The following STK32B variants were observed in gnomAD, a reference collection of about 807,000 sequenced individuals.
The protein encoded by STK32B is serine/threonine-protein kinase 32B.
A neutral mutation model predicts 52.6 loss-of-function variants in STK32B; 43 were observed. That is an observed-to-expected ratio of 0.82 (90% confidence interval 0.64 to 1.05). The LOEUF is 1.05. Ranked by LOEUF, STK32B falls within the 50% of genes least tolerant of loss-of-function variation. The pLI is 0.00. For synonymous variants in STK32B, 238 were observed against 204.3 expected (o/e 1.17, Z -1.41); for missense variants, 621 against 534.6 (o/e 1.16, Z -1.59).
rs145214822 is a variant in STK32B at position 5,307,683 on chromosome 4, G to A, written c.261-23537G>A. Among the ~76,000 whole-genome samples the A allele has an allele frequency of 2.1e-4, 32 of 152,004 alleles. No homozygotes were observed. The East Asian group carries it at 5.8e-3, about 28-fold the overall frequency. ...GGTTAGCTAGTGTGATCTTTTGGGAGTGTTAGAGAACCTTGTTTTGTCATA... is the reference window on the plus strand; with the variant it reads ...GGTTAGCTAGTGTGATCTTTTGGGAATGTTAGAGAACCTTGTTTTGTCATA... On this transcript the variant is annotated intron_variant, in intron 3 of 11. Coordinates refer to ENST00000282908, the MANE Select transcript of STK32B (RefSeq NM_018401.3).
chr4:5,351,664 CA>C (rs1277383756), intron 4 of STK32B, among the ~76,000 whole-genome samples: 1 of 151,626 alleles, frequency 6.6e-6, no homozygotes, highest in African/African-American at 2.4e-5. Flanking sequence ...AAATGATCAA[CA>C]AAAAAGAAAG....
chr4:5,311,030 T>G (rs1730258627), intron 3 of STK32B, among the ~76,000 whole-genome samples: 1 of 152,116 alleles, frequency 6.6e-6, no homozygotes, highest in African/African-American at 2.4e-5. Flanking sequence ...TGGTTACTAA[T>G]GGTGGGGAAA....
At chr4:5,295,223 G>A (rs1192451528) in intron 3 of STK32B, among the ~76,000 whole-genome samples, 1 of 147,874 alleles carries the variant, frequency 6.8e-6, no homozygotes, top group African/African-American at 2.6e-5. Flanking sequence ...AGGGATATTG[G>A]GTTGAAGTTT....
At position 5,051,671 on chromosome 4, in the gene STK32B, C is replaced by T; in HGVS notation, c.-193C>T. The T allele has an allele frequency of 1.6e-6, 1 of 624,116 alleles. No individual in the cohort carries two copies. Among genetic ancestry groups the T allele is most frequent in the Non-Finnish European group, 2.6e-6 (1 of 384,166 alleles). 38.7% of individuals were successfully genotyped at this position (624,116 alleles called of 1,614,324 possible). ...GGCGAGAGCGGGGTCCCTGCGAGCGCAGTCGGAAGGGCGTCCAGGAGAAGG... is the reference window on the plus strand; with the variant it reads ...GGCGAGAGCGGGGTCCCTGCGAGCGTAGTCGGAAGGGCGTCCAGGAGAAGG... On this transcript the variant is annotated 5_prime_UTR_variant, in exon 1 of 12. Coordinates refer to ENST00000282908, the MANE Select transcript of STK32B (RefSeq NM_018401.3).
chr4:5,330,240 C>T (rs773865741), intron 3 of STK32B, among the ~76,000 whole-genome samples: 1 of 152,170 alleles, frequency 6.6e-6, no homozygotes, highest in Non-Finnish European at 1.5e-5. Context: ...TTATGCAATT[C>T]TGTGATTAAT....
intron 11 of STK32B, among the ~76,000 whole-genome samples, chr4:5,488,338 G>A (rs967018447): frequency 6.6e-6 from 1 of 152,128 alleles, no homozygotes; most frequent in African/African-American, 2.4e-5. Context: ...ATGGTGTAAT[G>A]GTGAGCACTC....
chr4:5,080,661 A>T (rs1269053310), intron 1 of STK32B, among the ~76,000 whole-genome samples: 1 of 151,620 alleles, frequency 6.6e-6, no homozygotes, highest in Non-Finnish European at 1.5e-5. Flanking sequence ...GAGATAATTG[A>T]CAAATAAAAA....
chr4:5,319,926 A>G (rs1731376292), intron 3 of STK32B, among the ~76,000 whole-genome samples: 1 of 152,096 alleles, frequency 6.6e-6, no homozygotes, highest in Non-Finnish European at 1.5e-5. Flanking sequence ...CCACTTAGCC[A>G]TGTCTTATGT....
At chr4:5,220,092 C>A (rs1560234932) in intron 3 of STK32B, among the ~76,000 whole-genome samples, 1 of 152,140 alleles carries the variant, frequency 6.6e-6, no homozygotes, top group African/African-American at 2.4e-5. Flanking sequence ...ACTGCAAACT[C>A]CAGTCTAAAG....
intron 3 of STK32B, among the ~76,000 whole-genome samples, chr4:5,304,622 C>G (rs1467441179): frequency 6.6e-6 from 1 of 152,084 alleles, no homozygotes; most frequent in Non-Finnish European, 1.5e-5. Context: ...ATCATGTCAT[C>G]AGCAAACAGC....
chr4:5,482,931 T>A (rs1718842945), intron 11 of STK32B, among the ~76,000 whole-genome samples: 1 of 152,256 alleles, frequency 6.6e-6, no homozygotes. Flanking sequence ...ATCCCAGGGA[T>A]GTAGCCCACT....
chr4:5,080,043 C>T (rs567102606), intron 1 of STK32B, among the ~76,000 whole-genome samples: 169 of 54,736 alleles, frequency 3.1e-3, no homozygotes, highest in Non-Finnish European at 4.4e-3. Context: ...CCTAATGGTA[C>T]GGCATGGTGA....
At chr4:5,311,417 G>A (rs892384394) in intron 3 of STK32B, among the ~76,000 whole-genome samples, 15 of 151,990 alleles carry the variant, frequency 9.9e-5, no homozygotes, top group African/African-American at 3.6e-4. Flanking sequence ...AAGGCAAGCT[G>A]AAAGAATGAA....
chr4:5,489,916 T>C (rs1577056055), intron 11 of STK32B, among the ~76,000 whole-genome samples: 1 of 152,224 alleles, frequency 6.6e-6, no homozygotes, highest in Non-Finnish European at 1.5e-5. Context: ...GTGTAATACA[T>C]GTATATATAC....
rs374727456 is a variant in STK32B at position 5,136,578 on chromosome 4, C to G, written c.53-3327C>G. Among the ~76,000 whole-genome samples the G allele has an allele frequency of 1.2e-4, 19 of 152,262 alleles. 1 individual carries two copies. The South Asian group carries it at 3.9e-3, about 32-fold the overall frequency. On this transcript the variant is annotated intron_variant, in intron 1 of 11. Transcript: ENST00000282908. The stretch of plus-strand genomic sequence containing the variant: ...GGATGCAGAACTTCCCGTACTAAAA[C>G]CAGGAAGATTCCAAGGAAACCAGGA...
intron 11 of STK32B, among the ~76,000 whole-genome samples, chr4:5,479,300 G>T (rs1000014876): frequency 6.6e-6 from 1 of 151,766 alleles, no homozygotes; most frequent in East Asian, 1.9e-4. Context: ...TGTATTTTTA[G>T]TAGAGGCAGG....
chr4:5,266,746 T>C (rs1727081799), intron 3 of STK32B, among the ~76,000 whole-genome samples: 1 of 152,200 alleles, frequency 6.6e-6, no homozygotes, highest in South Asian at 2.1e-4. Flanking sequence ...CCTGGTGATC[T>C]TTAGCAATTC....
At chr4:5,357,062 TAC>T (rs777248303) in intron 4 of STK32B, among the ~76,000 whole-genome samples, 10 of 146,206 alleles carry the variant, frequency 6.8e-5, no homozygotes, top group African/African-American at 2.4e-4. Flanking sequence ...CACACATATA[TAC>T]ACACATATAC....
At position 5,058,568 on chromosome 4, in the gene STK32B, T is replaced by G. The variant is rs1742095734; in HGVS notation, c.52+6653T>G. Among the ~76,000 whole-genome samples the G allele has an allele frequency of 6.6e-6, 1 of 151,962 alleles. No individual in the cohort carries two copies. The highest frequency in any genetic ancestry group is 2.4e-5 in the African/African-American group (1 of 41,364). ...TCTTTTCCCATCTTTTTTTGTTTTG[T>G]TTTGTTTGTTTGTTTTTGAGACAGG... is the stretch of plus-strand genomic sequence containing the variant. On this transcript the variant is annotated intron_variant, in intron 1 of 11. Transcript: ENST00000282908. The surrounding 1 kb of genome is among the most constrained non-coding windows in gnomAD (Gnocchi z 4.8).
Sources: allele counts gnomAD v4.1 joint callset (sites outside exome capture counted in the v4.1 genomes callset), GRCh38; gene constraint gnomAD v4.1.1; non-coding constraint Gnocchi (gnomAD v3.1); transcripts MANE v1.5; gene names NCBI Gene and HGNC (gene_info 2026-07-23, HGNC 2026-07-21).